ARL15: variants seen among roughly 807,000 people sequenced by gnomAD.
The protein encoded by ARL15 is ARF like GTPase 15, also known as ADP-ribosylation factor-like protein 15.
In ARL15, 19 loss-of-function variants were observed where a neutral mutation model predicts 25.2. The observed-to-expected ratio is 0.75, with a 90% CI of 0.53 to 1.10. The LOEUF (loss-of-function observed/expected upper bound fraction) is 1.10, where lower values mean the gene tolerates loss of function less well. ARL15 is among the 50% of genes least tolerant of loss of function. The pLI is 0.00. For synonymous variants in ARL15, 94 were observed against 86.8 expected, an observed-to-expected ratio of 1.08 and a Z score of -0.46; for missense variants, 220 against 246.0, an observed-to-expected ratio of 0.89 and a Z score of 0.71.
intron 4 of ARL15, among the ~76,000 whole-genome samples, chr5:53,963,840 CACACACACAT>C (rs757230918): frequency 5.3e-5 from 7 of 132,334 alleles, no homozygotes; most frequent in African/African-American, 7.6e-5. Flanking sequence ...CACACACACA[CACACACACAT>C]ACACAGAGTA....
chr5:54,054,375 G>A (rs1326737914), intron 4 of ARL15, among the ~76,000 whole-genome samples: 1 of 152,140 alleles, frequency 6.6e-6, no homozygotes, highest in African/African-American at 2.4e-5. Flanking sequence ...CTTTCTGAAA[G>A]AAAAATCTGG....
At chr5:53,894,584 G>A (rs1192388365) in intron 4 of ARL15, among the ~76,000 whole-genome samples, 1 of 152,150 alleles carries the variant, frequency 6.6e-6, no homozygotes, top group African/African-American at 2.4e-5. Context: ...TAACCACTAT[G>A]AGAGGCACAG....
At chr5:54,286,197 T>G (rs1233763728) in intron 1 of ARL15, 1 of 152,222 alleles carries the variant, frequency 6.6e-6, no homozygotes, top group African/African-American at 2.4e-5. Flanking sequence ...GCATATATTT[T>G]ATAGCTTCTT....
chr5:54,119,252 G>T (rs137978247), intron 3 of ARL15, among the ~76,000 whole-genome samples: 221 of 152,204 alleles, frequency 1.5e-3, no homozygotes, highest in African/African-American at 5.1e-3. Context: ...TTCAAAAATG[G>T]ATTAATGCTG....
At chr5:54,195,175 T>C (rs1320887193) in intron 1 of ARL15, among the ~76,000 whole-genome samples, 1 of 152,170 alleles carries the variant, frequency 6.6e-6, no homozygotes, top group Non-Finnish European at 1.5e-5. Flanking sequence ...ATGTTGCTAA[T>C]GTACTATGTA....
chr5:54,227,909 A>G (rs1295685674), intron 1 of ARL15, among the ~76,000 whole-genome samples: 3 of 152,304 alleles, frequency 2.0e-5, no homozygotes, highest in East Asian at 1.9e-4. Context: ...AACATTTTCT[A>G]CAGAGTAACA....
chr5:54,068,236 G>T (rs1405182118), intron 4 of ARL15, among the ~76,000 whole-genome samples: 1 of 152,188 alleles, frequency 6.6e-6, no homozygotes, highest in Non-Finnish European at 1.5e-5. Context: ...GGAATGAGAA[G>T]ACTGTGAATT....
chr5:54,307,630 T>C (rs1262766014), intron 1 of ARL15, among the ~76,000 whole-genome samples: 1 of 152,176 alleles, frequency 6.6e-6, no homozygotes, highest in East Asian at 1.9e-4. Flanking sequence ...TTTTAATATC[T>C]CAATCTTATT....
At chr5:54,085,202 T>G (rs953133579) in intron 4 of ARL15, among the ~76,000 whole-genome samples, 5 of 152,218 alleles carry the variant, frequency 3.3e-5, no homozygotes, top group African/African-American at 1.2e-4. Context: ...CCCTGTGAGC[T>G]TCAGAATGCT....
At chr5:54,202,283 T>A (rs1285099193) in intron 1 of ARL15, among the ~76,000 whole-genome samples, 1 of 152,196 alleles carries the variant, frequency 6.6e-6, no homozygotes. Context: ...TTACGTTACA[T>A]GGCCAGGGGG....
chr5:54,042,469 A>C (rs1319100899), intron 4 of ARL15, among the ~76,000 whole-genome samples: 2 of 152,192 alleles, frequency 1.3e-5, no homozygotes, highest in African/African-American at 4.8e-5. Flanking sequence ...AGCTTCTGTA[A>C]TTACAGGTCG....
chr5:54,134,440 A>C (rs1366974491), intron 3 of ARL15, among the ~76,000 whole-genome samples: 1 of 152,120 alleles, frequency 6.6e-6, no homozygotes, highest in Non-Finnish European at 1.5e-5. Context: ...TATGATTTGC[A>C]ACCAATCTTG....
intron 1 of ARL15, among the ~76,000 whole-genome samples, chr5:54,270,041 C>T (rs1757741054): frequency 6.6e-6 from 1 of 152,176 alleles, no homozygotes; most frequent in African/African-American, 2.4e-5. Flanking sequence ...ATATACGAAA[C>T]CTGCTCTCAT....
intron 4 of ARL15, among the ~76,000 whole-genome samples, chr5:54,008,480 T>C (rs1749120874): frequency 6.6e-6 from 1 of 152,242 alleles, no homozygotes; most frequent in Non-Finnish European, 1.5e-5. Context: ...TCTCAGACTT[T>C]TGACCTCTCT....
At chr5:54,004,750 C>T (rs776667745) in intron 4 of ARL15, among the ~76,000 whole-genome samples, 39 of 151,630 alleles carry the variant, frequency 2.6e-4, no homozygotes, top group Non-Finnish European at 4.3e-4. Flanking sequence ...TGTAGGGGTA[C>T]GAGCATCTGC....
chr5:54,022,236 A>G (rs1404652690), intron 4 of ARL15, among the ~76,000 whole-genome samples: 2 of 152,150 alleles, frequency 1.3e-5, no homozygotes, highest in Non-Finnish European at 2.9e-5. Flanking sequence ...ACGCGTAAGT[A>G]TTATTGGGGC....
intron 1 of ARL15, among the ~76,000 whole-genome samples, chr5:54,210,016 T>A (rs1755992930): frequency 6.6e-6 from 1 of 152,190 alleles, no homozygotes; most frequent in African/African-American, 2.4e-5. Context: ...GGTGAATAAA[T>A]GGTAGAAATA....
chr5:54,160,401 T>C (rs1754368801), intron 2 of ARL15, among the ~76,000 whole-genome samples: 1 of 152,212 alleles, frequency 6.6e-6, no homozygotes, highest in Non-Finnish European at 1.5e-5. Flanking sequence ...TTCAACCTTT[T>C]TCAATTCAAA....
chr5:53,981,781 C>A (rs1405704878), intron 4 of ARL15, among the ~76,000 whole-genome samples: 6 of 151,656 alleles, frequency 4.0e-5, no homozygotes, highest in Non-Finnish European at 7.4e-5. Flanking sequence ...TGCCCATAAT[C>A]CCAGTTACTC....
Sources: allele counts gnomAD v4.1 joint callset (sites outside exome capture counted in the v4.1 genomes callset), GRCh38; gene constraint gnomAD v4.1.1; transcripts MANE v1.5; gene names NCBI Gene and HGNC (gene_info 2026-07-23, HGNC 2026-07-21).